The following TSPAN18 variants were observed in gnomAD, a reference collection of about 807,000 sequenced individuals.
TSPAN18 encodes tetraspanin 18.
TSPAN18 carries 14 observed loss-of-function variants against 27.3 expected under a neutral mutation model. The observed-to-expected ratio is 0.51, with a 90% CI of 0.34 to 0.80. The LOEUF is 0.80. Among genes scored for constraint, TSPAN18 ranks in the 30% least tolerant of loss-of-function variants. TSPAN18 has a pLI of 0.01. For missense variants in TSPAN18, 268 were observed against 323.9 expected, an observed-to-expected ratio of 0.83 and a Z score of 1.32; for synonymous variants, 143 against 136.5, an observed-to-expected ratio of 1.05 and a Z score of -0.33.
intron 2 of TSPAN18, among the ~76,000 whole-genome samples, chr11:44,787,970 C>T (rs940797452): frequency 6.6e-6 from 1 of 152,186 alleles, no homozygotes; most frequent in Non-Finnish European, 1.5e-5. Context: ...GAGCCTGGTC[C>T]AGGCCCAGGG....
rs140729320 is a variant in TSPAN18 at position 44,803,203 on chromosome 11, G to A, written c.-153+38691G>A. 5.3e-5 allele frequency among the ~76,000 whole-genome samples: 8 copies of A among 152,302 alleles called. No homozygotes were observed. In the East Asian group the frequency reaches 1.2e-3, roughly 22 times the overall value. Reference sequence around the variant, plus strand: ...AGCAAAATTCACACAGGCAGATAAGGCTTTTCAGAAGACAAGTCGACAGAG... The same window carrying A: ...AGCAAAATTCACACAGGCAGATAAGACTTTTCAGAAGACAAGTCGACAGAG... On this transcript the variant is annotated intron_variant, in intron 2 of 9. Transcript: ENST00000520358.
intron 2 of TSPAN18, among the ~76,000 whole-genome samples, chr11:44,856,044 T>C (rs11038176): frequency 0.21 from 32,476 of 151,622 alleles, 4,116 homozygotes; most frequent in South Asian, 0.42. Context: ...CCACCACGCC[T>C]GGCTAATTTT....
chr11:44,855,306 C>G (rs1052590381), intron 2 of TSPAN18, among the ~76,000 whole-genome samples: 5 of 152,274 alleles, frequency 3.3e-5, no homozygotes, highest in Non-Finnish European at 2.9e-5. Flanking sequence ...TTTATTTGCT[C>G]ATAACTTGCT....
intron 2 of TSPAN18, among the ~76,000 whole-genome samples, chr11:44,818,807 G>A (rs1214570600): frequency 3.3e-5 from 5 of 152,216 alleles, no homozygotes; most frequent in Admixed American, 6.5e-5. Flanking sequence ...AGATGAGCCT[G>A]TCATATAAGG....
chr11:44,731,486 G>A (rs1021972040), intron 1 of TSPAN18, among the ~76,000 whole-genome samples: 1 of 152,052 alleles, frequency 6.6e-6, no homozygotes, highest in African/African-American at 2.4e-5. Flanking sequence ...CATATAGTAA[G>A]TGCTCAATAA....
intron 4 of TSPAN18, 137 bp from the exon 5 acceptor site, chr11:44,909,568 C>A: frequency 1.2e-6 from 1 of 820,202 alleles, no homozygotes; most frequent in Non-Finnish European, 1.9e-6. Flanking sequence ...GCTCTCGCCG[C>A]AGGTGAATTC....
At chr11:44,847,048 C>T (rs1857500611) in intron 2 of TSPAN18, among the ~76,000 whole-genome samples, 2 of 152,168 alleles carry the variant, frequency 1.3e-5, no homozygotes, top group Admixed American at 6.5e-5. Flanking sequence ...GCAGAGGAGC[C>T]GCTTGCTGTG....
chr11:44,929,939 C>T lies in TSPAN18; in HGVS notation c.*761C>T, dbSNP rs1490575667. 6.6e-6 allele frequency: 1 copy of T among 152,412 alleles called. No individual in the cohort carries two copies. The highest frequency in any genetic ancestry group is 1.5e-5 in the Non-Finnish European group (1 of 68,170). The allele number at this position is 152,412 out of a possible 1,614,324, so 9.4% of individuals were successfully genotyped here. On this transcript the variant is annotated 3_prime_UTR_variant, in exon 10 of 10. Transcript: ENST00000520358. The stretch of plus-strand genomic sequence containing the variant: ...CCACATGCACCCCTGGCCTCAGCAT[C>T]CCGGTTCCCCCAGACAAGAGAGGGC...
intron 1 of TSPAN18, among the ~76,000 whole-genome samples, chr11:44,732,862 G>A (rs547287173): frequency 1.3e-5 from 2 of 152,248 alleles, no homozygotes; most frequent in Admixed American, 6.5e-5. Flanking sequence ...AATCTCAGTG[G>A]CTTAACAAAA....
intron 1 of TSPAN18, among the ~76,000 whole-genome samples, chr11:44,757,912 T>C (rs1442718616): frequency 6.6e-6 from 1 of 152,266 alleles, no homozygotes; most frequent in Non-Finnish European, 1.5e-5. Context: ...TCCCATTCCA[T>C]GGGTTGCATT....
chr11:44,780,102 C>T (rs1226771939), intron 2 of TSPAN18, among the ~76,000 whole-genome samples: 3 of 152,090 alleles, frequency 2.0e-5, no homozygotes, highest in East Asian at 3.9e-4. Context: ...TCACCACCCC[C>T]GAGCTCCTAC....
At chr11:44,925,317 C>T (rs913713784) in intron 8 of TSPAN18, among the ~76,000 whole-genome samples, 4 of 152,198 alleles carry the variant, frequency 2.6e-5, no homozygotes, top group Admixed American at 6.5e-5. Context: ...ACCACTTCCC[C>T]GATTATTCCC....
intron 3 of TSPAN18, among the ~76,000 whole-genome samples, chr11:44,884,509 G>A (rs142121199): frequency 1.3e-5 from 2 of 152,324 alleles, no homozygotes; most frequent in African/African-American, 4.8e-5. Context: ...AGCCTCTTCT[G>A]TTGGAAAGAT....
chr11:44,885,151 C>T (rs1018809538), intron 3 of TSPAN18, among the ~76,000 whole-genome samples: 1 of 152,106 alleles, frequency 6.6e-6, no homozygotes, highest in Non-Finnish European at 1.5e-5. Flanking sequence ...AAGTTACCAA[C>T]ACCGCTCTAG....
chr11:44,825,862 C>T (rs991896899), intron 2 of TSPAN18, among the ~76,000 whole-genome samples: 3 of 152,192 alleles, frequency 2.0e-5, no homozygotes, highest in Non-Finnish European at 4.4e-5. Flanking sequence ...GCTCTGTCTA[C>T]TGTCTACAGG....
At chr11:44,811,329 C>G (rs897184735) in intron 2 of TSPAN18, among the ~76,000 whole-genome samples, 25 of 152,126 alleles carry the variant, frequency 1.6e-4, no homozygotes, top group Non-Finnish European at 3.2e-4. Context: ...TAGTCAGCAT[C>G]TATCTGGATG....
At chr11:44,728,822 A>T (rs369196568) in intron 1 of TSPAN18, among the ~76,000 whole-genome samples, 2 of 152,224 alleles carry the variant, frequency 1.3e-5, no homozygotes, top group South Asian at 4.2e-4. Flanking sequence ...TTGAAGGGAC[A>T]TTGGAGGGAC....
intron 3 of TSPAN18, chr11:44,903,754 C>T (rs1470071783): frequency 8.8e-6 from 4 of 455,752 alleles, no homozygotes; most frequent in East Asian, 7.0e-5. Context: ...AAGACAAATC[C>T]GCCCCCCACC....
At chr11:44,797,538 C>A (rs1038360600) in intron 2 of TSPAN18, among the ~76,000 whole-genome samples, 1 of 152,172 alleles carries the variant, frequency 6.6e-6, no homozygotes, top group Non-Finnish European at 1.5e-5. Flanking sequence ...TGTGCCTGAG[C>A]ACCTGGGAGC....
Sources: gnomAD v4.1 joint callset for allele counts (sites outside exome capture counted in the v4.1 genomes callset) on GRCh38, gnomAD v4.1.1 for gene constraint, MANE v1.5 for transcripts, NCBI Gene and HGNC (gene_info 2026-07-23, HGNC 2026-07-21) for gene names.